PLPPR3: variants seen among roughly 807,000 people sequenced by gnomAD.
PLPPR3 encodes the protein phospholipid phosphatase-related protein type 3.
PLPPR3 carries 14 observed loss-of-function variants against 27.3 expected under a neutral mutation model. The observed-to-expected ratio is 0.51, with a 90% CI of 0.34 to 0.80. PLPPR3 has a LOEUF of 0.80. PLPPR3 is among the 30% of genes least tolerant of loss of function. The pLI, the probability that PLPPR3 is intolerant of heterozygous loss-of-function variation, is 0.01. For missense variants in PLPPR3, 1,287 were observed against 1,056.9 expected (o/e 1.22, Z -3.02); for synonymous variants, 671 against 508.0 (o/e 1.32, Z -4.32).
At position 815,316 on chromosome 19, in the gene PLPPR3, G is replaced by C. The variant is rs552988963; in HGVS notation, c.273C>G (p.Ala91=). ...FAAPAASIMV[A]EGMLYCLQSR... is the part of the protein sequence containing the mutation. The stretch of plus-strand genomic sequence containing the variant: ...ACTGCAGACAGTACAACATGCCCTC[G>C]GCCACCATGATCTGCCAACAGGGAG... Residue 91 remains alanine, a synonymous_variant, in exon 4 of 8, where the codon GCC becomes GCG. Transcript: ENST00000520876. The C allele has an allele frequency of 1.7e-5, 27 of 1,543,582 alleles. No homozygotes were observed. In the South Asian group the frequency reaches 2.6e-4, roughly 15 times the overall value.
chr19:820,016 T>G (rs960605079), intron 2 of PLPPR3, among the ~76,000 whole-genome samples: 2 of 152,176 alleles, frequency 1.3e-5, no homozygotes, highest in East Asian at 3.9e-4. Context: ...ATTTTTTCTG[T>G]TTTTAAAATT....
chr19:813,620 G>A lies in PLPPR3; in HGVS notation c.1107C>T (p.Asn369=). 2.6e-6 allele frequency: 4 copies of A among 1,543,806 alleles called. No individual in the cohort carries two copies. The highest frequency in any genetic ancestry group is 2.6e-6 in the Non-Finnish European group (3 of 1,146,072). ...LAPRSPMAKE[N]MVTFSHTLPR... ...GCAGCGTGTGGCTGAAGGTCACCAT[G>A]TTCTCCTTGGCCATGGGGCTGCGCG... is the stretch of plus-strand genomic sequence containing the variant. The change falls in exon 8 of 8, where the codon AAC becomes AAT. Residue 369 remains asparagine (N), a synonymous_variant. Transcript: ENST00000520876. This position sits in a 1 kb window ranked among gnomAD's most constrained non-coding sequence, Gnocchi z 4.1.
chr19:815,577 C>G (rs1197746316), intron 3 of PLPPR3, 89 bp downstream of exon 3: 4 of 1,356,274 alleles, frequency 2.9e-6, no homozygotes, highest in Non-Finnish European at 4.0e-6. Flanking sequence ...CACCGACAGG[C>G]CCCAGTGTGG....
At chr19:821,402 G>T in intron 2 of PLPPR3, 83 bp downstream of exon 2, 1 of 1,291,216 alleles carries the variant, frequency 7.7e-7, no homozygotes, top group Non-Finnish European at 1.0e-6. Context: ...AGCTGCGCCG[G>T]CTCCGGTCCC....
Position 813,095 on chromosome 19 carries a change from C to A in PLPPR3, c.1632G>T (p.Lys544Asn). 2.0e-6 allele frequency: 3 copies of A among 1,502,524 alleles called. No homozygotes were observed. In the South Asian group the frequency reaches 3.8e-5, roughly 19 times the overall value. The allele number at this position is 1,502,524 out of a possible 1,614,324, so 93.1% of individuals were successfully genotyped here. A position where few individuals can be genotyped will look rare whatever the true frequency, so the allele number is the denominator to read the frequency against. ...CCTTGGGGCCCGGCGCGCCCGGAGC[C>A]TTGGACATGGCGATGACCTGCAGCA... is the stretch of plus-strand genomic sequence containing the variant. ...PRLLQVIAMS[K>N]APGAPGPKAA... The change falls in exon 8 of 8, where the codon AAG becomes AAT. Residue 544 changes from lysine (K) to asparagine (N), a missense_variant. Lys to Asn is a moderately conservative substitution (Grantham distance 94). Coordinates refer to ENST00000520876, the MANE Select transcript of PLPPR3 (RefSeq NM_001270366.2). The surrounding 1 kb of genome is among the most constrained non-coding windows in gnomAD (Gnocchi z 4.1).
chr19:818,427 G>A (rs868023538), intron 2 of PLPPR3, among the ~76,000 whole-genome samples: 11 of 151,928 alleles, frequency 7.2e-5, no homozygotes, highest in Admixed American at 1.3e-4. Context: ...AAGGCCGACC[G>A]CAGTGGCTCA....
At chr19:814,829 C>T (rs1478589820) in intron 5 of PLPPR3, 57 bp downstream of exon 5, 2 of 1,580,032 alleles carry the variant, frequency 1.3e-6, no homozygotes, top group Admixed American at 3.4e-5. Flanking sequence ...TGTTTCCCCG[C>T]ATGTTCACCG....
At position 814,932 on chromosome 19, in the gene PLPPR3, G is replaced by A; in HGVS notation, c.553C>T (p.Gln185Ter). 1.9e-6 allele frequency: 3 copies of A among 1,612,232 alleles called. No individual in the cohort carries two copies. Among genetic ancestry groups the A allele is most frequent in the Non-Finnish European group, 2.5e-6 (3 of 1,179,956 alleles). ...ATGTCGTGGCCGGAGCAGATGTCCTGCGTGATGTAGGGGTTGACCTCGCAG... is the reference window on the plus strand; with the variant it reads ...ATGTCGTGGCCGGAGCAGATGTCCTACGTGATGTAGGGGTTGACCTCGCAG... ...TSCEVNPYIT[Q>*]DICSGHDIHA... is the part of the protein sequence containing the mutation. The change falls in exon 5 of 8, where the codon CAG (glutamine) becomes TAG (stop). Residue 185 changes from glutamine (Q) to a stop codon, truncating the protein, a stop_gained. Coordinates refer to ENST00000520876, the MANE Select transcript of PLPPR3 (RefSeq NM_001270366.2). LOFTEE classifies it high-confidence loss of function.
rs370007094 is a variant in PLPPR3, at chr19:818,597, G to A, written c.76-2746C>T. Among the ~76,000 whole-genome samples the A allele has an allele frequency of 5.9e-5, 9 of 151,570 alleles. No homozygotes were observed. The East Asian group carries it at 1.2e-3, about 20-fold the overall frequency. ...CGCCCAGGCTGGAGTGCAGTGGCGC[G>A]ATCTCGGCTCACTGCAAGCTCCACA... On this transcript the variant is annotated intron_variant, in intron 2 of 7. Transcript: ENST00000520876.
At chr19:821,137 G>T (rs1358300272) in intron 2 of PLPPR3, among the ~76,000 whole-genome samples, 2 of 151,922 alleles carry the variant, frequency 1.3e-5, no homozygotes, top group African/African-American at 2.4e-5. Flanking sequence ...CGGAGCCCAC[G>T]CGGCACCTGC....
At position 813,277 on chromosome 19, in the gene PLPPR3, G is replaced by A; in HGVS notation, c.1450C>T (p.Leu484Phe). Residue 484 changes from leucine to phenylalanine, a missense_variant, in exon 8 of 8, where the codon CTC becomes TTC. Physicochemically the swap from Leu to Phe is conservative, Grantham distance 22. Transcript: ENST00000520876. This position sits in a 1 kb window ranked among gnomAD's most constrained non-coding sequence, Gnocchi z 4.1. ...GGCGGCGGCCCCGCGCGCGGTGGGA[G>A]GATGACCCGAGGCCCCAGCCCCGGC... Reference protein sequence around the residue: ...ARPGLGPRVILPPRAGPPPLV... With the variant: ...ARPGLGPRVIFPPRAGPPPLV... 5 of 1,475,314 alleles carry A rather than the reference G, an allele frequency of 3.4e-6. No homozygotes were observed. The highest frequency in any genetic ancestry group is 3.6e-6 in the Non-Finnish European group (4 of 1,123,636). The allele number at this position is 1,475,314 out of a possible 1,614,324, so 91.4% of individuals were successfully genotyped here. A position where few individuals can be genotyped will look rare whatever the true frequency, so the allele number is the denominator to read the frequency against.
chr19:815,147 T>C, intron 4 of PLPPR3, 39 bp downstream of exon 4: 1 of 1,601,404 alleles, frequency 6.2e-7, no homozygotes, highest in Non-Finnish European at 8.5e-7. Flanking sequence ...CCCCTGCATG[T>C]GGAGGTAGCT....
chr19:821,866 G>A (rs1044442342), intron 1 of PLPPR3, 49 bp downstream of exon 1: 4 of 253,266 alleles, frequency 1.6e-5, no homozygotes, highest in Non-Finnish European at 3.0e-5. Context: ...CTGGGGTTCC[G>A]GGCGGCGGAG....
intron 2 of PLPPR3, among the ~76,000 whole-genome samples, chr19:819,907 T>C (rs904997597): frequency 2.0e-5 from 3 of 152,124 alleles, no homozygotes; most frequent in African/African-American, 7.2e-5. Flanking sequence ...AGTGGTGTGA[T>C]CTTGGCTCAC....
intron 2 of PLPPR3, among the ~76,000 whole-genome samples, chr19:816,573 C>T (rs564881805): frequency 1.6e-4 from 18 of 112,220 alleles, no homozygotes; most frequent in African/African-American, 7.2e-4. Context: ...CATTCATCAC[C>T]CAGCCATTCA....
chr19:823,068 G>A (rs7250211), upstream of PLPPR3, among the ~76,000 whole-genome samples: 1,572 of 151,934 alleles, frequency 0.01, 29 homozygotes, highest in African/African-American at 0.035. Flanking sequence ...GCAGTGAGCC[G>A]AGATCGTGCC....
chr19:819,279 C>CTTTTTTTTTTT (rs1252377454), intron 2 of PLPPR3, among the ~76,000 whole-genome samples: 1 of 60,958 alleles, frequency 1.6e-5, no homozygotes, highest in African/African-American at 1.2e-4. Context: ...ACCCAGCCTA[C>CTTTTTTTTTTT]TTTTTTTTTT....
intron 2 of PLPPR3, 39 bp downstream of exon 2, chr19:821,446 G>C: frequency 9.4e-6 from 14 of 1,492,304 alleles, no homozygotes; most frequent in Non-Finnish European, 1.3e-5. Context: ...GGGCGGAACC[G>C]AGGCGTCTCC....
chr19:822,262 G>A (rs560444932), upstream of PLPPR3, among the ~76,000 whole-genome samples: 5 of 151,726 alleles, frequency 3.3e-5, no homozygotes, highest in South Asian at 8.3e-4. Context: ...GGCTGCGGTC[G>A]GCCCGGGGGG....
Sources: gnomAD v4.1 joint callset for allele counts (sites outside exome capture counted in the v4.1 genomes callset) on GRCh38, gnomAD v4.1.1 for gene constraint, Gnocchi (gnomAD v3.1) non-coding constraint, MANE v1.5 for transcripts, NCBI Gene and HGNC (gene_info 2026-07-23, HGNC 2026-07-21) for gene names.